TOR1B: variants seen among roughly 807,000 people sequenced by gnomAD.
TOR1B encodes torsin family 1 member B.
TOR1B carries 14 observed loss-of-function variants against 29.2 expected under a neutral mutation model. The observed-to-expected ratio is 0.48, with a 90% confidence interval of 0.32 to 0.75. The LOEUF (loss-of-function observed/expected upper bound fraction) is 0.75, where lower values mean the gene tolerates loss of function less well. Among genes scored for constraint, TOR1B ranks in the 30% least tolerant of loss-of-function variants. The pLI, the probability that TOR1B is intolerant of heterozygous loss-of-function variation, is 0.04. For synonymous variants in TOR1B, 166 were observed against 179.8 expected (o/e 0.92, Z 0.62); for missense variants, 400 against 433.9 (o/e 0.92, Z 0.69).
rs1229351550 is a variant in TOR1B, at chr9:129,804,111, C to T, written c.238C>T (p.His80Tyr). 1 of 1,614,198 alleles carries T rather than the reference C, an allele frequency of 6.2e-7. No individual in the cohort carries two copies. The highest frequency in any genetic ancestry group is 1.7e-5 in the Admixed American group (1 of 60,026). Reference sequence around the variant, plus strand: ...TTTGGAGGAGAAGCTGTTTGGACAGCATCTAGCCACGGAAGTGATTTTCAA... The same window carrying T: ...TTTGGAGGAGAAGCTGTTTGGACAGTATCTAGCCACGGAAGTGATTTTCAA... ...LDLEEKLFGQ[H>Y]LATEVIFKAL... Residue 80 changes from histidine to tyrosine, a missense_variant, in exon 2 of 5, where the codon CAT becomes TAT. Physicochemically the swap from His to Tyr is moderately conservative, Grantham distance 83 (BLOSUM62 2). Transcript: ENST00000259339.
At chr9:129,803,533 T>C (rs961206484) in intron 1 of TOR1B, 122 bp downstream of exon 1, 1 of 913,980 alleles carries the variant, frequency 1.1e-6, no homozygotes, top group Non-Finnish European at 1.4e-6. Context: ...ACGGCGGTGG[T>C]CCCAGCTGGG....
intron 3 of TOR1B, among the ~76,000 whole-genome samples, chr9:129,808,543 CTT>C (rs763409733): frequency 1.3e-4 from 10 of 77,806 alleles, no homozygotes; most frequent in Non-Finnish European, 1.7e-4. Flanking sequence ...ACACAGAAGT[CTT>C]TTTTTTTTTT....
Position 129,810,339 on chromosome 9 carries a change from G to A in TOR1B, c.*756G>A. ...GCACTCTTGATCTGAGCTGACCTGTGTGTGTGTGTGTGGGGGGGTGGGGCC... is the reference window on the plus strand; with the variant it reads ...GCACTCTTGATCTGAGCTGACCTGTATGTGTGTGTGTGGGGGGGTGGGGCC... On this transcript the variant is annotated 3_prime_UTR_variant, in exon 5 of 5. Coordinates refer to ENST00000259339, the MANE Select transcript of TOR1B (RefSeq NM_014506.3). 2 of 1,172,378 alleles carry A rather than the reference G, an allele frequency of 1.7e-6. No individual in the cohort carries two copies. The highest frequency in any genetic ancestry group is 1.1e-6 in the Non-Finnish European group (1 of 902,176). 72.6% of individuals were successfully genotyped at this position (1,172,378 alleles called of 1,614,324 possible).
rs2030534039 is a variant in TOR1B, at chr9:129,807,181, G to C, written c.466-7G>C. The C allele has an allele frequency of 6.2e-7, 1 of 1,612,288 alleles. No individual in the cohort carries two copies. Among genetic ancestry groups the C allele is most frequent in the Non-Finnish European group, 8.5e-7 (1 of 1,178,728 alleles). ...GCATCCTGTTTCTTCTTTCATGGTT[G>C]GTCCAGGACCAGTTACAGAAGTGGA... On this transcript the variant is annotated splice_region_variant and splice_polypyrimidine_tract_variant and intron_variant, in intron 2 of 4. Transcript: ENST00000259339.
At chr9:129,804,052 G>T (rs2030321729) in intron 1 of TOR1B, 21 bp from the exon 2 acceptor site, 2 of 1,613,362 alleles carry the variant, frequency 1.2e-6, no homozygotes, top group Admixed American at 1.7e-5. Context: ...TTCTCTCTTT[G>T]TTCTGGGGCT....
intron 3 of TOR1B, among the ~76,000 whole-genome samples, chr9:129,808,652 C>T (rs1305150247): frequency 7.1e-6 from 1 of 140,056 alleles, no homozygotes; most frequent in Non-Finnish European, 1.5e-5. Flanking sequence ...CGGATTCAAA[C>T]GATTCTCCCA....
chr9:129,804,366 G>C (rs1179261621), intron 2 of TOR1B, 28 bp downstream of exon 2: 1 of 1,604,194 alleles, frequency 6.2e-7, no homozygotes, highest in Admixed American at 1.7e-5. Context: ...TATCTCGTCT[G>C]CAGGCCAGTC....
intron 4 of TOR1B, 100 bp from the exon 5 acceptor site, chr9:129,809,242 T>C (rs2030700575): frequency 6.4e-7 from 1 of 1,572,724 alleles, no homozygotes; most frequent in African/African-American, 1.3e-5. Flanking sequence ...CAAGAGACTC[T>C]CTCAAGGGGT....
rs1331153801 is a variant in TOR1B, at chr9:129,803,443, C to T, written c.199+32C>T. On this transcript the variant is annotated intron_variant, in intron 1 of 4. Coordinates refer to ENST00000259339, the MANE Select transcript of TOR1B (RefSeq NM_014506.3). ...CGCGCGCGCGAGCTGTGGGTCGGCG[C>T]TGCGGGGGGCGCGGGGGCGCGGGGG... 6 of 1,305,218 alleles carry T rather than the reference C, an allele frequency of 4.6e-6. No individual in the cohort carries two copies. In the African/African-American group the frequency reaches 6.3e-5, roughly 14 times the overall value. The allele number at this position is 1,305,218 out of a possible 1,614,324, so 80.9% of individuals were successfully genotyped here.
chr9:129,810,486 G>T lies in TOR1B; in HGVS notation c.*903G>T. 2 of 1,125,192 alleles carry T rather than the reference G, an allele frequency of 1.8e-6. No individual in the cohort carries two copies. The highest frequency in any genetic ancestry group is 2.2e-6 in the Non-Finnish European group (2 of 894,526). The allele number at this position is 1,125,192 out of a possible 1,614,324, so 69.7% of individuals were successfully genotyped here. On this transcript the variant is annotated 3_prime_UTR_variant, in exon 5 of 5. Coordinates refer to ENST00000259339, the MANE Select transcript of TOR1B (RefSeq NM_014506.3). ...ACCGTCTCAGCTGGTATCAGCCCCA[G>T]CCTGCCTTGTGCCATATCTCAGCTT...
In TOR1B at chr9:129,809,854, A is replaced by C; in HGVS notation, c.*271A>C. The C allele has an allele frequency of 7.5e-7, 1 of 1,331,408 alleles. No homozygotes were observed. The highest frequency in any genetic ancestry group is 9.7e-7 in the Non-Finnish European group (1 of 1,035,306). 82.5% of individuals were successfully genotyped at this position (1,331,408 alleles called of 1,614,324 possible). ...GTAGCTGGGATTACAGGCATGAGCC[A>C]CTGTGCCCAGCTGGGATATAGAATC... On this transcript the variant is annotated 3_prime_UTR_variant, in exon 5 of 5. Transcript: ENST00000259339.
At chr9:129,808,856 C>T (rs1444663932) in intron 3 of TOR1B, 49 bp from the exon 4 acceptor site, 14 of 1,606,924 alleles carry the variant, frequency 8.7e-6, no homozygotes, top group Non-Finnish European at 1.1e-5. Context: ...CCAGCAGACA[C>T]AGAAGTCTTA....
At position 129,807,285 on chromosome 9, in the gene TOR1B, A is replaced by T; in HGVS notation, c.563A>T (p.Asp188Val). ...GATAAATTGCACCCCGGGATCATTG[A>T]CGCAATCAAGCCGTTTCTAGACTAC... Reference protein sequence around the residue: ...EMDKLHPGIIDAIKPFLDYYE... With the variant: ...EMDKLHPGIIVAIKPFLDYYE... The change falls in exon 3 of 5, where the codon GAC becomes GTC. Residue 188 changes from aspartate to valine, a missense_variant. By Grantham distance (152) the Asp-to-Val change is radical. Coordinates refer to ENST00000259339, the MANE Select transcript of TOR1B (RefSeq NM_014506.3). The T allele has an allele frequency of 6.2e-7, 1 of 1,614,158 alleles. No individual in the cohort carries two copies. The highest frequency in any genetic ancestry group is 1.1e-5 in the South Asian group (1 of 91,074).
rs2030732235 is a variant in TOR1B, at chr9:129,809,701, G to T, written c.*118G>T. The T allele has an allele frequency of 6.6e-7, 1 of 1,505,516 alleles. No homozygotes were observed. The highest frequency in any genetic ancestry group is 1.4e-5 in the African/African-American group (1 of 71,468). 93.3% of individuals were successfully genotyped at this position (1,505,516 alleles called of 1,614,324 possible). A position where few individuals can be genotyped will look rare whatever the true frequency, so the allele number is the denominator to read the frequency against. On this transcript the variant is annotated 3_prime_UTR_variant, in exon 5 of 5. Coordinates refer to ENST00000259339, the MANE Select transcript of TOR1B (RefSeq NM_014506.3). ...TTGCCTGTTTGCACCTTAGACTTTT[G>T]GGTATAGAATCTTTTTTTTGAGAAG...
chr9:129,805,139 GA>G (rs34869382), intron 2 of TOR1B, among the ~76,000 whole-genome samples: 19,406 of 105,384 alleles, frequency 0.18, 1,588 homozygotes, highest in Middle Eastern at 0.26. Flanking sequence ...CTCTGTCTCA[GA>G]AAAAAAAAAA....
chr9:129,806,300 C>T lies in TOR1B; in HGVS notation c.466-888C>T, dbSNP rs575108393. On this transcript the variant is annotated intron_variant, in intron 2 of 4. Transcript: ENST00000259339. ...TACATTCTTCATAAATCTCCGGAAA[C>T]AGAGTAATATAAATGGTTGAGGGCA... 4.5e-4 allele frequency among the ~76,000 whole-genome samples: 69 copies of T among 152,254 alleles called. No individual in the cohort carries two copies. The South Asian group carries it at 0.013, about 30-fold the overall frequency.
At chr9:129,805,613 G>A (rs888934209) in intron 2 of TOR1B, among the ~76,000 whole-genome samples, 1 of 152,176 alleles carries the variant, frequency 6.6e-6, no homozygotes, top group Non-Finnish European at 1.5e-5. Flanking sequence ...GTGAGAAGGG[G>A]CAGTCAGTCT....
rs2030654803 is a variant in TOR1B at position 129,808,793 on chromosome 9, C to A, written c.642-112C>A. 2.9e-6 allele frequency: 4 copies of A among 1,358,836 alleles called. No homozygotes were observed. In the African/African-American group the frequency reaches 5.9e-5, roughly 20 times the overall value. The allele number at this position is 1,358,836 out of a possible 1,614,324, so 84.2% of individuals were successfully genotyped here. A position where few individuals can be genotyped will look rare whatever the true frequency, so the allele number is the denominator to read the frequency against. On this transcript the variant is annotated intron_variant, in intron 3 of 4. Transcript: ENST00000259339. ...CCTTGAACTCCCGACCTCAGGTGAT[C>A]TACCTGCCTCGGCCTCCCAAAGTGC...
chr9:129,804,309 C>T lies in TOR1B; in HGVS notation c.436C>T (p.Pro146Ser). ...VHLFVSTLHF[P>S]HEQKIKLYQD... ...CCTGTTTGTATCGACTCTGCACTTC[C>T]CTCATGAGCAGAAGATAAAACTGTA... Residue 146 changes from proline to serine, a missense_variant, in exon 2 of 5, where the codon CCT becomes TCT. Coordinates refer to ENST00000259339, the MANE Select transcript of TOR1B (RefSeq NM_014506.3). 4 of 1,613,822 alleles carry T rather than the reference C, an allele frequency of 2.5e-6. No individual in the cohort carries two copies. Among genetic ancestry groups the T allele is most frequent in the Non-Finnish European group, 3.4e-6 (4 of 1,179,712 alleles).
Sources: allele counts gnomAD v4.1 joint callset (sites outside exome capture counted in the v4.1 genomes callset), GRCh38; gene constraint gnomAD v4.1.1; transcripts MANE v1.5; gene names NCBI Gene and HGNC (gene_info 2026-07-23, HGNC 2026-07-21).